Variants in SHROOM2 observed in about 807,000 individuals in gnomAD.
SHROOM2 encodes shroom family member 2.
A neutral mutation model predicts 75.9 loss-of-function variants in SHROOM2; 33 were observed. The observed-to-expected ratio is 0.43, with a 90% CI of 0.33 to 0.58. The LOEUF (loss-of-function observed/expected upper bound fraction) is 0.58, where lower values mean the gene tolerates loss of function less well. Ranked by LOEUF, SHROOM2 falls within the 20% of genes least tolerant of loss-of-function variation. The pLI is 0.04. For missense variants in SHROOM2, 1,434 were observed against 1,461.2 expected, an observed-to-expected ratio of 0.98 and a Z score of 0.30; for synonymous variants, 655 against 663.6, an observed-to-expected ratio of 0.99 and a Z score of 0.20.
At chrX:9,853,127 G>A (rs1031594788) in intron 1 of SHROOM2, among the ~76,000 whole-genome samples, 6 of 111,467 alleles carry the variant, frequency 5.4e-5, no homozygotes, top group Admixed American at 1.9e-4. Flanking sequence ...GCTCCTAAGC[G>A]AGCCCCAGTG....
intron 6 of SHROOM2, among the ~76,000 whole-genome samples, chrX:9,934,058 C>A (rs1368442314): frequency 1.8e-5 from 2 of 111,487 alleles, no homozygotes; most frequent in Non-Finnish European, 3.8e-5. Context: ...TGGGCGGCCC[C>A]CACAGAGCAT....
intron 1 of SHROOM2, among the ~76,000 whole-genome samples, chrX:9,800,015 T>C (rs1331510408): frequency 9.0e-6 from 1 of 111,370 alleles, no homozygotes; most frequent in African/African-American, 3.3e-5. Flanking sequence ...CTAGAAGTCG[T>C]CCCTGATGCC....
At chrX:9,838,299 A>C in intron 1 of SHROOM2, among the ~76,000 whole-genome samples, 1 of 109,907 alleles carries the variant, frequency 9.1e-6, no homozygotes, top group Non-Finnish European at 1.9e-5. Flanking sequence ...TGACCTCGTG[A>C]TCCACCCGCT....
chrX:9,815,834 T>G (rs2083818541), intron 1 of SHROOM2, among the ~76,000 whole-genome samples: 2 of 111,185 alleles, frequency 1.8e-5, no homozygotes, highest in Admixed American at 9.7e-5. Flanking sequence ...GACAGCTGAT[T>G]AGATTGTGCC....
At chrX:9,793,198 A>G (rs924654887) in intron 1 of SHROOM2, among the ~76,000 whole-genome samples, 8 of 111,710 alleles carry the variant, frequency 7.2e-5, no homozygotes, top group African/African-American at 2.0e-4. Context: ...ATTTCTGTCC[A>G]TATCCCTAAA....
intron 1 of SHROOM2, among the ~76,000 whole-genome samples, chrX:9,821,271 C>T (rs1027715536): frequency 8.9e-6 from 1 of 112,144 alleles, no homozygotes; most frequent in African/African-American, 3.2e-5. Flanking sequence ...TGCTGGGACC[C>T]AGGGACCTGA....
Position 9,914,288 on chromosome X carries a change from G to A in SHROOM2, c.2891+15998G>A, listed in dbSNP as rs777070849. Among the ~76,000 whole-genome samples the A allele has an allele frequency of 1.3e-4, 14 of 109,323 alleles. No homozygotes were observed. The South Asian group carries it at 5.1e-3, about 40-fold the overall frequency. The allele number at this position is 109,323 out of a possible 115,157, so 94.9% of individuals were successfully genotyped here. A position where few individuals can be genotyped will look rare whatever the true frequency, so the allele number is the denominator to read the frequency against. On this transcript the variant is annotated intron_variant, in intron 5 of 9. Transcript: ENST00000380913. Reference sequence around the variant, plus strand: ...GGACAAATGACCCTGGTGAATGCACGCTGACTGCTGCTTGTTTTGCATGGG... The same window carrying A: ...GGACAAATGACCCTGGTGAATGCACACTGACTGCTGCTTGTTTTGCATGGG...
In SHROOM2 at chrX:9,896,763, G is replaced by T. The variant is rs1202112425; in HGVS notation, c.2790+65G>T. 8 of 1,061,926 alleles carry T rather than the reference G, an allele frequency of 7.5e-6. No individual in the cohort carries two copies. In the African/African-American group the frequency reaches 1.3e-4, roughly 18 times the overall value. 87.5% of individuals were successfully genotyped at this position (1,061,926 alleles called of 1,213,427 possible). ...CCCAAGGACAGGACACACCCAGAAT[G>T]CAGTGGCTGACGCCAGGGCTACTCA... On this transcript the variant is annotated intron_variant, in intron 4 of 9. Transcript: ENST00000380913.
chrX:9,937,196 C>T lies in SHROOM2; in HGVS notation c.3650C>T (p.Ser1217Leu), dbSNP rs867145289. The T allele has an allele frequency of 2.4e-5, 29 of 1,202,845 alleles. No homozygotes were observed. Among genetic ancestry groups the T allele is most frequent in the African/African-American group, 1.7e-4 (10 of 57,261 alleles). The stretch of plus-strand genomic sequence containing the variant: ...ATGGTGCCCATCAAGATCGTGCACT[C>T]GGAGAGCCAGCCAGAGAAGGAGAGC... ...VKMVPIKIVH[S>L]ESQPEKESRQ... The change falls in exon 7 of 10, where the codon TCG becomes TTG. Residue 1217 changes from serine (S) to leucine (L), a missense_variant. Ser to Leu is a moderately radical substitution (Grantham distance 145). Transcript: ENST00000380913.
chrX:9,916,597 A>G (rs898685983), intron 5 of SHROOM2, among the ~76,000 whole-genome samples: 30 of 112,242 alleles, frequency 2.7e-4, no homozygotes, highest in African/African-American at 9.4e-4. Context: ...TACTTCTCCC[A>G]AAACTTTGTC....
chrX:9,937,411 C>G lies in SHROOM2; in HGVS notation c.3865C>G (p.Pro1289Ala). 6.6e-6 allele frequency: 8 copies of G among 1,208,396 alleles called. No homozygotes were observed. The highest frequency in any genetic ancestry group is 8.9e-6 in the Non-Finnish European group (8 of 894,072). ...AEPQPLGTQV[P>A]PEKDRCTSPP... Reference sequence around the variant, plus strand: ...GCCCCAGCCCCTGGGCACCCAGGTGCCCCCCGAGAAAGACCGCTGCACCTC... The same window carrying G: ...GCCCCAGCCCCTGGGCACCCAGGTGGCCCCCGAGAAAGACCGCTGCACCTC... Residue 1289 changes from proline (P) to alanine (A), a missense_variant, in exon 7 of 10, where the codon CCC becomes GCC. Physicochemically the swap from Pro to Ala is conservative, Grantham distance 27. Around this residue, in one of 3 missense-constraint regions of SHROOM2, gnomAD observed 1,340 missense variants for 1,338.3 expected, o/e 1.00. Transcript: ENST00000380913.
chrX:9,944,588 G>C, intron 8 of SHROOM2, 53 bp from the exon 9 acceptor site: 1 of 1,138,988 alleles, frequency 8.8e-7, no homozygotes, highest in Non-Finnish European at 1.2e-6. Flanking sequence ...GGCCGGGGTG[G>C]GGGCCGGCCT....
intron 5 of SHROOM2, among the ~76,000 whole-genome samples, chrX:9,902,659 G>T (rs770185855): frequency 1.9e-4 from 21 of 112,322 alleles, no homozygotes; most frequent in Non-Finnish European, 3.9e-4. Context: ...TTTGTTTTGG[G>T]TATGAGATTT....
At chrX:9,844,364 T>C (rs1251040464) in intron 1 of SHROOM2, among the ~76,000 whole-genome samples, 1 of 110,455 alleles carries the variant, frequency 9.1e-6, no homozygotes, top group Non-Finnish European at 1.9e-5. Context: ...ATTTAAAAAT[T>C]AGCCAGGCAT....
chrX:9,805,561 C>A (rs911831640), intron 1 of SHROOM2, among the ~76,000 whole-genome samples: 1 of 111,289 alleles, frequency 9.0e-6, no homozygotes, highest in African/African-American at 3.3e-5. Flanking sequence ...CATGGTGAAA[C>A]CCTGTCTCTA....
At chrX:9,878,529 G>T (rs2084213539) in intron 2 of SHROOM2, among the ~76,000 whole-genome samples, 1 of 111,964 alleles carries the variant, frequency 8.9e-6, no homozygotes, top group African/African-American at 3.2e-5. Context: ...GTCCCGTCTT[G>T]GGCATTGCTA....
intron 1 of SHROOM2, among the ~76,000 whole-genome samples, chrX:9,833,291 A>G (rs2083925742): frequency 9.0e-6 from 1 of 111,070 alleles, no homozygotes; most frequent in Non-Finnish European, 1.9e-5. Flanking sequence ...CTTTTTGTCC[A>G]GTTTTCTCTC....
At chrX:9,840,923 C>T (rs1413758820) in intron 1 of SHROOM2, among the ~76,000 whole-genome samples, 2 of 112,251 alleles carry the variant, frequency 1.8e-5, no homozygotes, top group Non-Finnish European at 3.8e-5. Context: ...TTTCCCATTA[C>T]GGTTACTTGA....
chrX:9,792,072 A>G (rs1411730949), intron 1 of SHROOM2, among the ~76,000 whole-genome samples: 2 of 7,155 alleles, frequency 2.8e-4, no homozygotes, highest in African/African-American at 8.4e-4. Context: ...AATAGAATAG[A>G]ATAGAATAGA....
Sources: gnomAD v4.1 joint callset for allele counts (sites outside exome capture counted in the v4.1 genomes callset) on GRCh38, gnomAD v4.1.1 for gene constraint, gnomAD v4.1.1 regional missense constraint, MANE v1.5 for transcripts, NCBI Gene and HGNC (gene_info 2026-07-23, HGNC 2026-07-21) for gene names.